FSIP1: variants seen among roughly 807,000 people sequenced by gnomAD.
The protein encoded by FSIP1 is fibrous sheath-interacting protein 1.
Under a neutral mutation model 60.9 loss-of-function variants are expected in FSIP1, and 65 were observed. The ratio of observed to expected loss-of-function variants is 1.07; its 90% CI spans 0.87 to 1.31. The LOEUF is 1.31. Ranked by LOEUF, FSIP1 falls within the 40% of genes most tolerant of loss-of-function variation. FSIP1 has a pLI of 0.00. For missense variants in FSIP1, 675 were observed against 665.5 expected (o/e 1.01, Z -0.16); for synonymous variants, 209 against 221.2 (o/e 0.94, Z 0.49).
intron 11 of FSIP1, chr15:39,602,244 G>A: frequency 2.3e-6 from 1 of 439,350 alleles, no homozygotes; most frequent in Non-Finnish European, 4.6e-6. Flanking sequence ...GAGGCAATGT[G>A]AAGACGGAGG....
intron 10 of FSIP1, among the ~76,000 whole-genome samples, chr15:39,712,810 G>A (rs143725686): frequency 5.4e-4 from 83 of 152,300 alleles, no homozygotes; most frequent in African/African-American, 1.9e-3. Flanking sequence ...ATGTCTTTAT[G>A]TTGAGCAAGA....
intron 3 of FSIP1, 70 bp downstream of exon 3, chr15:39,770,357 A>T: frequency 8.3e-7 from 1 of 1,210,794 alleles, no homozygotes; most frequent in Non-Finnish European, 1.1e-6. Flanking sequence ...CTAACACCTT[A>T]AATATAACAT....
At chr15:39,757,625 A>G (rs1897341033) in intron 5 of FSIP1, among the ~76,000 whole-genome samples, 1 of 152,096 alleles carries the variant, frequency 6.6e-6, no homozygotes, top group African/African-American at 2.4e-5. Flanking sequence ...GCAATAAATG[A>G]CTCCAAAACA....
At chr15:39,660,535 C>T (rs1179529420) in intron 10 of FSIP1, among the ~76,000 whole-genome samples, 1 of 152,044 alleles carries the variant, frequency 6.6e-6, no homozygotes, top group Non-Finnish European at 1.5e-5. Context: ...TAACTTTTGG[C>T]AGATTTCAGT....
chr15:39,763,457 A>G (rs1014807095), intron 5 of FSIP1, among the ~76,000 whole-genome samples: 2 of 152,216 alleles, frequency 1.3e-5, no homozygotes, highest in African/African-American at 4.8e-5. Context: ...TCGGTCATAG[A>G]TTTTAACAAA....
At chr15:39,603,007 T>C (rs943080849) in intron 11 of FSIP1, among the ~76,000 whole-genome samples, 8 of 152,196 alleles carry the variant, frequency 5.3e-5, no homozygotes, top group Admixed American at 1.3e-4. Flanking sequence ...TCTGGAGACA[T>C]GTTTGTCTGT....
chr15:39,665,650 C>T (rs1893467399), intron 10 of FSIP1, among the ~76,000 whole-genome samples: 1 of 152,144 alleles, frequency 6.6e-6, no homozygotes, highest in Non-Finnish European at 1.5e-5. Flanking sequence ...TCATTTCCCA[C>T]CAACCCACAT....
chr15:39,748,742 C>T (rs983175991), intron 5 of FSIP1, among the ~76,000 whole-genome samples: 1 of 152,052 alleles, frequency 6.6e-6, no homozygotes, highest in Non-Finnish European at 1.5e-5. Context: ...AGTAGCCTGA[C>T]ATTATGCTTC....
intron 10 of FSIP1, among the ~76,000 whole-genome samples, chr15:39,682,118 G>A (rs1157780716): frequency 1.3e-5 from 2 of 152,066 alleles, no homozygotes; most frequent in Admixed American, 6.6e-5. Context: ...TATAGTTCCT[G>A]GACAAGTTTC....
chr15:39,698,471 T>G (rs1194257227), intron 10 of FSIP1, among the ~76,000 whole-genome samples: 4 of 152,292 alleles, frequency 2.6e-5, no homozygotes, highest in Admixed American at 2.6e-4. Context: ...GTGGCATTAC[T>G]CAAGAGATTT....
intron 5 of FSIP1, among the ~76,000 whole-genome samples, chr15:39,759,033 G>A (rs1358839008): frequency 6.6e-6 from 1 of 151,886 alleles, no homozygotes; most frequent in Non-Finnish European, 1.5e-5. Flanking sequence ...TAAATCTCAA[G>A]TGGGTTAATA....
intron 10 of FSIP1, among the ~76,000 whole-genome samples, chr15:39,678,430 C>A (rs1894031004): frequency 6.6e-5 from 10 of 151,798 alleles, no homozygotes; most frequent in Admixed American, 6.6e-4. Context: ...AGCAACTCCA[C>A]CAAAATGAGC....
At chr15:39,608,107 AT>A (rs1890893372) in intron 11 of FSIP1, among the ~76,000 whole-genome samples, 1 of 152,246 alleles carries the variant, frequency 6.6e-6, no homozygotes, top group African/African-American at 2.4e-5. Context: ...AACTTCAGAT[AT>A]TCTAACATGC....
At chr15:39,673,108 C>T (rs1893785205) in intron 10 of FSIP1, among the ~76,000 whole-genome samples, 1 of 152,144 alleles carries the variant, frequency 6.6e-6, no homozygotes, top group Admixed American at 6.5e-5. Context: ...TCAGTCATGA[C>T]ATCAAGTCTC....
chr15:39,738,263 A>G, intron 7 of FSIP1, 62 bp from the exon 8 acceptor site: 1 of 1,122,886 alleles, frequency 8.9e-7, no homozygotes, highest in Non-Finnish European at 1.3e-6. Flanking sequence ...CAGGAAAAAA[A>G]AAATGGAATC....
chr15:39,663,593 A>G (rs1893385465), intron 10 of FSIP1, among the ~76,000 whole-genome samples: 1 of 152,174 alleles, frequency 6.6e-6, no homozygotes, highest in Non-Finnish European at 1.5e-5. Flanking sequence ...CAATCATAAT[A>G]CAGCCTTATA....
intron 10 of FSIP1, among the ~76,000 whole-genome samples, chr15:39,654,052 C>A (rs1277749004): frequency 6.6e-6 from 1 of 152,164 alleles, no homozygotes; most frequent in Non-Finnish European, 1.5e-5. Context: ...ACTGGAAGGT[C>A]TTCAGGGGCA....
chr15:39,749,029 T>C (rs972742777), intron 5 of FSIP1, among the ~76,000 whole-genome samples: 1 of 151,920 alleles, frequency 6.6e-6, no homozygotes. Context: ...TGAATAATTA[T>C]GTGTCAAAAA....
chr15:39,721,632 C>T (rs146970103), intron 9 of FSIP1, among the ~76,000 whole-genome samples: 8 of 152,302 alleles, frequency 5.3e-5, no homozygotes, highest in Middle Eastern at 3.4e-3. Flanking sequence ...AATGTATTGA[C>T]GATCTCTGCA....
Sources: gnomAD v4.1 joint callset for allele counts (sites outside exome capture counted in the v4.1 genomes callset) on GRCh38, gnomAD v4.1.1 for gene constraint, MANE v1.5 for transcripts, NCBI Gene and HGNC (gene_info 2026-07-23, HGNC 2026-07-21) for gene names.